DNMBP: variants seen among roughly 807,000 people sequenced by gnomAD.
DNMBP encodes the protein dynamin binding protein.
DNMBP carries 87 observed loss-of-function variants against 150.0 expected under a neutral mutation model. That is an observed-to-expected ratio of 0.58 (90% CI 0.49 to 0.69). DNMBP has a LOEUF of 0.69. Ranked by LOEUF, DNMBP falls within the 30% of genes least tolerant of loss-of-function variation. The pLI, the probability that DNMBP is intolerant of heterozygous loss-of-function variation, is 0.00. For missense variants in DNMBP, 1,774 were observed against 1,949.0 expected, an observed-to-expected ratio of 0.91 and a Z score of 1.69; for synonymous variants, 711 against 750.4, an observed-to-expected ratio of 0.95 and a Z score of 0.86.
chr10:99,964,834 G>T (rs2040603171), intron 3 of DNMBP, among the ~76,000 whole-genome samples: 1 of 149,734 alleles, frequency 6.7e-6, no homozygotes, highest in Non-Finnish European at 1.5e-5. Context: ...TTGCGCCACT[G>T]CACTCCCGCC....
chr10:99,930,947 G>A (rs1262080814), intron 4 of DNMBP: 2 of 491,448 alleles, frequency 4.1e-6, no homozygotes, highest in East Asian at 6.5e-5. Flanking sequence ...TTCAACCTCA[G>A]GATCCAATCA....
intron 1 of DNMBP, among the ~76,000 whole-genome samples, chr10:99,986,823 T>A (rs929863993): frequency 6.6e-6 from 1 of 152,032 alleles, no homozygotes; most frequent in African/African-American, 2.4e-5. Context: ...TTAGAACTCA[T>A]CCCAAAATTC....
intron 6 of DNMBP, among the ~76,000 whole-genome samples, chr10:99,900,421 T>C (rs991993493): frequency 1.3e-5 from 2 of 151,656 alleles, no homozygotes; most frequent in African/African-American, 4.8e-5. Context: ...CATGCCACCA[T>C]GCCCAGCTAA....
intron 15 of DNMBP, among the ~76,000 whole-genome samples, chr10:99,881,799 GA>G (rs994446620): frequency 1.3e-5 from 2 of 151,722 alleles, no homozygotes; most frequent in East Asian, 1.9e-4. Flanking sequence ...GAAGTGGGGA[GA>G]AAAAAAATCC....
At chr10:100,003,945 T>G (rs2041041787) in intron 1 of DNMBP, among the ~76,000 whole-genome samples, 1 of 151,962 alleles carries the variant, frequency 6.6e-6, no homozygotes, top group African/African-American at 2.4e-5. Flanking sequence ...AAAATATAAT[T>G]TTTTGGCCAG....
At chr10:99,881,352 CTG>C (rs5787363) in intron 15 of DNMBP, among the ~76,000 whole-genome samples, 15,210 of 152,232 alleles carry the variant, frequency 0.1, 1,384 homozygotes, top group African/African-American at 0.24. Context: ...ACGTAGGAAA[CTG>C]TTTGTTAGAA....
chr10:99,997,220 T>C (rs1753228998), intron 1 of DNMBP, among the ~76,000 whole-genome samples: 1 of 152,220 alleles, frequency 6.6e-6, no homozygotes, highest in Non-Finnish European at 1.5e-5. Context: ...TCCTTAAAGC[T>C]ACAAGCACTG....
intron 11 of DNMBP, among the ~76,000 whole-genome samples, chr10:99,889,774 TAAA>T (rs1302413235): frequency 6.6e-6 from 1 of 152,106 alleles, no homozygotes; most frequent in Non-Finnish European, 1.5e-5. Flanking sequence ...TTTTAATTCT[TAAA>T]AAACTGTTGA....
intron 1 of DNMBP, among the ~76,000 whole-genome samples, chr10:99,987,395 G>C (rs2133372941): frequency 6.6e-6 from 1 of 152,214 alleles, no homozygotes; most frequent in African/African-American, 2.4e-5. Context: ...TGAATCTGGG[G>C]ATAAAACATT....
At chr10:99,952,704 G>A (rs1301854776) in intron 4 of DNMBP, among the ~76,000 whole-genome samples, 1 of 152,106 alleles carries the variant, frequency 6.6e-6, no homozygotes, top group Non-Finnish European at 1.5e-5. Context: ...TTGAATAGAG[G>A]TTTCCCTCTC....
chr10:99,921,248 C>G, intron 4 of DNMBP, among the ~76,000 whole-genome samples: 1 of 152,196 alleles, frequency 6.6e-6, no homozygotes, highest in East Asian at 1.9e-4. Flanking sequence ...TTCTGCTCAC[C>G]TACTGTCTTT....
chr10:99,989,698 C>T (rs574754871), intron 1 of DNMBP, among the ~76,000 whole-genome samples: 5 of 152,022 alleles, frequency 3.3e-5, no homozygotes, highest in Non-Finnish European at 4.4e-5. Flanking sequence ...GCAACAAGAG[C>T]GAAACTCTGT....
At chr10:99,932,859 AC>A (rs2133289876) in intron 4 of DNMBP, among the ~76,000 whole-genome samples, 1 of 150,788 alleles carries the variant, frequency 6.6e-6, no homozygotes, top group South Asian at 2.1e-4. Flanking sequence ...TCTGGGAATG[AC>A]CACTAGTTAT....
chr10:99,889,472 T>C (rs1027804235), intron 11 of DNMBP: 1 of 152,842 alleles, frequency 6.5e-6, no homozygotes. Context: ...ATGATTAGAA[T>C]TGACTAATGC....
chr10:99,886,668 C>G (rs2039471733), intron 12 of DNMBP, 36 bp from the exon 13 acceptor site: 1 of 1,570,658 alleles, frequency 6.4e-7, no homozygotes, highest in East Asian at 2.2e-5. Flanking sequence ...CTCAGCTGGA[C>G]AGCATCCCAC....
At chr10:99,943,310 A>AG (rs2040322995) in intron 4 of DNMBP, among the ~76,000 whole-genome samples, 1 of 152,010 alleles carries the variant, frequency 6.6e-6, no homozygotes, top group South Asian at 2.1e-4. Flanking sequence ...AAAAAAAAAA[A>AG]CACAGAATGA....
intron 10 of DNMBP, 69 bp from the exon 11 acceptor site, chr10:99,895,119 T>C: frequency 1.2e-6 from 1 of 854,672 alleles, no homozygotes. Context: ...CAAAAGTAGC[T>C]TGCTTTTTTT....
At position 99,950,949 on chromosome 10, in the gene DNMBP, G is replaced by T. The variant is rs539773118; in HGVS notation, c.2260+4265C>A. Among the ~76,000 whole-genome samples the T allele has an allele frequency of 2.0e-5, 3 of 152,368 alleles. No individual in the cohort carries two copies. The East Asian group carries it at 5.8e-4, about 29-fold the overall frequency. On this transcript the variant is annotated intron_variant, in intron 4 of 16. Coordinates refer to ENST00000324109, the MANE Select transcript of DNMBP (RefSeq NM_015221.4). ...AGACAATGGGGAAAATGTCTCCAGG[G>T]CATGTCAGAGGTCTTCACGGCAACT...
chr10:99,927,640 C>A (rs1326900401), intron 4 of DNMBP, among the ~76,000 whole-genome samples: 1 of 152,048 alleles, frequency 6.6e-6, no homozygotes, highest in Non-Finnish European at 1.5e-5. Flanking sequence ...CGTTAGAATG[C>A]TGAAAGATTT....
Sources: allele counts gnomAD v4.1 joint callset (sites outside exome capture counted in the v4.1 genomes callset), GRCh38; gene constraint gnomAD v4.1.1; transcripts MANE v1.5; gene names NCBI Gene and HGNC (gene_info 2026-07-23, HGNC 2026-07-21).